Variants in RAF1 observed in about 807,000 individuals in gnomAD.
The protein encoded by RAF1 is Raf-1 proto-oncogene, serine/threonine kinase.
Under a neutral mutation model 81.1 loss-of-function variants are expected in RAF1, and 27 were observed. The observed-to-expected ratio is 0.33, with a 90% CI of 0.25 to 0.46. The LOEUF (loss-of-function observed/expected upper bound fraction) is 0.46, where lower values mean the gene tolerates loss of function less well. Ranked by LOEUF, RAF1 falls within the 20% of genes least tolerant of loss-of-function variation. The pLI is 1.00. For missense variants in RAF1, 598 were observed against 826.0 expected (o/e 0.72, Z 3.38); for synonymous variants, 298 against 294.0 (o/e 1.01, Z -0.14).
intron 1 of RAF1, among the ~76,000 whole-genome samples, chr3:12,662,026 TAA>T (rs879523841): frequency 7.0e-6 from 1 of 143,860 alleles, no homozygotes; most frequent in African/African-American, 2.5e-5. Flanking sequence ...CTCTATTATT[TAA>T]AAAAAAAAAA....
At chr3:12,658,146 A>G (rs2060760062) in intron 1 of RAF1, among the ~76,000 whole-genome samples, 1 of 152,218 alleles carries the variant, frequency 6.6e-6, no homozygotes, top group African/African-American at 2.4e-5. Context: ...ATGTTCCAAG[A>G]CTACCAATGA....
chr3:12,592,046 G>T, intron 11 of RAF1: 1 of 539,052 alleles, frequency 1.9e-6, no homozygotes, highest in African/African-American at 1.9e-5. Context: ...CCAAAGTGCT[G>T]GGATTATAGG....
At chr3:12,607,031 A>G (rs944053121) in intron 5 of RAF1, among the ~76,000 whole-genome samples, 1 of 152,212 alleles carries the variant, frequency 6.6e-6, no homozygotes, top group Non-Finnish European at 1.5e-5. Flanking sequence ...GTGTCTAGCT[A>G]TATCAAAATA....
At chr3:12,584,687 A>T (rs761993728) in intron 17 of RAF1, 30 bp from the exon 17 acceptor site, 1 of 1,614,094 alleles carries the variant, frequency 6.2e-7, no homozygotes, top group Non-Finnish European at 8.5e-7. Context: ...TGCTCTCATT[A>T]GCTGTGTCTC....
intron 1 of RAF1, among the ~76,000 whole-genome samples, chr3:12,629,658 G>A (rs1290980903): frequency 2.0e-5 from 3 of 152,166 alleles, no homozygotes; most frequent in South Asian, 2.1e-4. Context: ...GTTAAGATCC[G>A]TGCATTCATG....
At chr3:12,616,720 C>T (rs2059378590) in intron 2 of RAF1, among the ~76,000 whole-genome samples, 1 of 152,096 alleles carries the variant, frequency 6.6e-6, no homozygotes, top group Admixed American at 6.6e-5. Context: ...CTGGGGTTCC[C>T]CACCTCAGAA....
chr3:12,585,177 A>T lies in RAF1; in HGVS notation c.1673T>A (p.Leu558Ter), dbSNP rs730881011. The T allele has an allele frequency of 1.2e-6, 2 of 1,614,170 alleles. No individual in the cohort carries two copies. Among genetic ancestry groups the T allele is most frequent in the Non-Finnish European group, 1.7e-6 (2 of 1,180,032 alleles). Residue 558 changes from leucine (L) to a stop codon, truncating the protein, a stop_gained, in exon 16 of 18, where the codon TTG becomes TAG. Transcript: ENST00000442415. LOFTEE classifies it high-confidence loss of function. ...AAGCTCCCCCGTCATCAGTTCATAC[A>T]ATACGATGCCATAGGAGTAGACATC...
At chr3:12,593,786 C>CTTTTTTTTTTT (rs756831846) in intron 11 of RAF1, among the ~76,000 whole-genome samples, 1 of 111,284 alleles carries the variant, frequency 9.0e-6, no homozygotes, top group African/African-American at 3.2e-5. Flanking sequence ...GGAGTAAATC[C>CTTTTTTTTTTT]TTTTTTTTTT....
intron 2 of RAF1, among the ~76,000 whole-genome samples, chr3:12,613,163 GTGAGTGCCCAGGATACTCACAAT>G (rs1167563315): frequency 9.9e-5 from 15 of 152,210 alleles, no homozygotes; most frequent in African/African-American, 3.6e-4. Flanking sequence ...ACTGGGAAGT[GTGAGTGCCCAGGATACTCACAAT>G]TAATGGCAGC....
At chr3:12,603,886 C>G (rs932165893) in intron 7 of RAF1, among the ~76,000 whole-genome samples, 1 of 152,180 alleles carries the variant, frequency 6.6e-6, no homozygotes, top group Non-Finnish European at 1.5e-5. Flanking sequence ...CTATTCAAAT[C>G]TGATAATGGG....
At chr3:12,652,054 A>ATAAATAAT (rs2060547794) in intron 1 of RAF1, among the ~76,000 whole-genome samples, 1 of 147,794 alleles carries the variant, frequency 6.8e-6, no homozygotes. Context: ...AAATAAATAA[A>ATAAATAAT]TGATATAAAA....
chr3:12,588,823 C>A (rs1458794947), intron 13 of RAF1: 2 of 152,114 alleles, frequency 1.3e-5, no homozygotes, highest in Non-Finnish European at 2.9e-5. Flanking sequence ...GAAATGTGAT[C>A]CCCAGTGTTG....
rs1387904259 is a variant in RAF1 at position 12,584,006 on chromosome 3, C to T, written c.*508G>A. ...TAGTACCAAAGCAGGCTCCTTCGGG[C>T]GGCCAGAGTCTCGGCAGTCCTGGGC... On this transcript the variant is annotated 3_prime_UTR_variant, in exon 18 of 18. Transcript: ENST00000442415. The T allele has an allele frequency of 2.0e-5, 5 of 251,272 alleles. No individual in the cohort carries two copies. Among genetic ancestry groups the T allele is most frequent in the East Asian group, 5.6e-5 (1 of 17,846 alleles). 15.6% of individuals were successfully genotyped at this position (251,272 alleles called of 1,614,324 possible). A position where few individuals can be genotyped will look rare whatever the true frequency, so the allele number is the denominator to read the frequency against.
At chr3:12,644,774 G>C (rs1375828614) in intron 1 of RAF1, among the ~76,000 whole-genome samples, 1 of 152,008 alleles carries the variant, frequency 6.6e-6, no homozygotes, top group African/African-American at 2.4e-5. Flanking sequence ...CCTCATTTTT[G>C]AGTTTTTCCT....
At position 12,584,673 on chromosome 3, in the gene RAF1, A is replaced by T. The variant is rs1476735590; in HGVS notation, c.1864-16T>A. ...AAGACAGGATCTGAAACAAAGCCCA[A>T]GAATGCTCTCATTAGCTGTGTCTCA... is the stretch of plus-strand genomic sequence containing the variant. On this transcript the variant is annotated splice_polypyrimidine_tract_variant and intron_variant, in intron 17 of 17. Transcript: ENST00000442415. 1 of 1,614,140 alleles carries T rather than the reference A, an allele frequency of 6.2e-7. No homozygotes were observed.
At chr3:12,590,492 T>G in intron 13 of RAF1, 4 of 380,778 alleles carry the variant, frequency 1.1e-5, no homozygotes, top group Non-Finnish European at 1.5e-5. Context: ...ACTTGGTTCA[T>G]TCTTGTATTT....
chr3:12,663,044 G>A (rs2060929369), intron 1 of RAF1, among the ~76,000 whole-genome samples: 1 of 152,044 alleles, frequency 6.6e-6, no homozygotes, highest in Non-Finnish European at 1.5e-5. Context: ...ATGAATACCA[G>A]GGGCACACCC....
chr3:12,651,737 C>T (rs1387364222), intron 1 of RAF1, among the ~76,000 whole-genome samples: 2 of 150,262 alleles, frequency 1.3e-5, no homozygotes, highest in East Asian at 2.0e-4. Flanking sequence ...GAGCTGGGCA[C>T]GATGGCTCAT....
chr3:12,590,574 C>T (rs2058482084), intron 13 of RAF1: 1 of 562,986 alleles, frequency 1.8e-6, no homozygotes, highest in South Asian at 1.9e-5. Context: ...GATCCACTGG[C>T]CTTGGCCTCC....
Sources: allele counts gnomAD v4.1 joint callset (sites outside exome capture counted in the v4.1 genomes callset), GRCh38; gene constraint gnomAD v4.1.1; transcripts MANE v1.5; gene names NCBI Gene and HGNC (gene_info 2026-07-23, HGNC 2026-07-21).